Variants in NYNRIN observed in about 807,000 individuals in gnomAD.
NYNRIN encodes protein NYNRIN.
NYNRIN carries 86 observed loss-of-function variants against 146.6 expected under a neutral mutation model. That is an observed-to-expected ratio of 0.59 (90% confidence interval 0.49 to 0.70). The LOEUF (loss-of-function observed/expected upper bound fraction) is 0.70. Among genes scored for constraint, NYNRIN ranks in the 30% least tolerant of loss-of-function variants. The pLI, the probability that NYNRIN is intolerant of heterozygous loss-of-function variation, is 0.00. For synonymous variants in NYNRIN, 1,027 were observed against 1,001.3 expected (o/e 1.03, Z -0.48); for missense variants, 2,191 against 2,377.7 (o/e 0.92, Z 1.63).
intron 8 of NYNRIN, among the ~76,000 whole-genome samples, chr14:24,414,354 G>C (rs1251151221): frequency 1.3e-5 from 2 of 152,252 alleles, no homozygotes; most frequent in Non-Finnish European, 2.9e-5. Flanking sequence ...CTTGGTCAGT[G>C]AAGTTTTGAT....
rs2139351768 is a variant in NYNRIN at position 24,413,430 on chromosome 14, A to G, written c.2846+13A>G. 1 of 1,578,622 alleles carries G rather than the reference A, an allele frequency of 6.3e-7. No individual in the cohort carries two copies. Among genetic ancestry groups the G allele is most frequent in the Non-Finnish European group, 8.6e-7 (1 of 1,159,808 alleles). On this transcript the variant is annotated intron_variant, in intron 8 of 8. Coordinates refer to ENST00000382554, the MANE Select transcript of NYNRIN (RefSeq NM_025081.3). ...AGAAGCCAAACAGGTAATAGGTCAG[A>G]CCTCCCCAGCCTCCCAGGCCCTCCT...
Position 24,414,655 on chromosome 14 carries a change from C to T in NYNRIN, c.2906C>T (p.Ala969Val). 6.2e-7 allele frequency: 1 copy of T among 1,613,688 alleles called. No homozygotes were observed. Among genetic ancestry groups the T allele is most frequent in the Non-Finnish European group, 8.5e-7 (1 of 1,179,734 alleles). Residue 969 changes from alanine (A) to valine (V), a missense_variant, in exon 9 of 9, where the codon GCC becomes GTC. Physicochemically the swap from Ala to Val is moderately conservative, Grantham distance 64. Coordinates refer to ENST00000382554, the MANE Select transcript of NYNRIN (RefSeq NM_025081.3). ...KVWKTLPPSSASVTELSDDAD... is the reference protein window; with the variant it reads ...KVWKTLPPSSVSVTELSDDAD... ...TGGAAGACCCTTCCTCCCAGCTCAGCCAGTGTCACTGAGCTGAGTGATGAC... is the reference window on the plus strand; with the variant it reads ...TGGAAGACCCTTCCTCCCAGCTCAGTCAGTGTCACTGAGCTGAGTGATGAC...
intron 2 of NYNRIN, among the ~76,000 whole-genome samples, chr14:24,407,008 A>C (rs1566483931): frequency 6.6e-6 from 1 of 152,322 alleles, no homozygotes; most frequent in East Asian, 1.9e-4. Flanking sequence ...GTTCCCCTGG[A>C]CACTGGCCCA....
chr14:24,408,147 G>A lies in NYNRIN; in HGVS notation c.477G>A (p.Val159=). The part of the protein sequence containing the change: ...LTPRGIWEAE[V]TRAFGALVWI... ...CCCGGGGGATCTGGGAGGCTGAGGT[G>A]ACCCGGGCCTTTGGGGCCCTGGTCT... The change falls in exon 3 of 9, where the codon GTG becomes GTA. Residue 159 remains valine (V), a synonymous_variant. Coordinates refer to ENST00000382554, the MANE Select transcript of NYNRIN (RefSeq NM_025081.3). The A allele has an allele frequency of 6.2e-7, 1 of 1,605,836 alleles. No homozygotes were observed. Among genetic ancestry groups the A allele is most frequent in the Non-Finnish European group, 8.5e-7 (1 of 1,177,908 alleles).
At position 24,408,711 on chromosome 14, in the gene NYNRIN, C is replaced by T; in HGVS notation, c.917C>T (p.Ala306Val). 2.5e-6 allele frequency: 4 copies of T among 1,613,752 alleles called. No individual in the cohort carries two copies. The highest frequency in any genetic ancestry group is 3.4e-6 in the Non-Finnish European group (4 of 1,179,734). The change falls in exon 4 of 9, where the codon GCC becomes GTC. Residue 306 changes from alanine to valine, a missense_variant. Ala to Val is a moderately conservative substitution (Grantham distance 64). Coordinates refer to ENST00000382554, the MANE Select transcript of NYNRIN (RefSeq NM_025081.3). ...GCTCAAGAGGAAGGGACAGTGCAAG[C>T]CACCAGCAGCCAGGACTCCACGAAC... ...DSAQEEGTVQ[A>V]TSSQDSTNHT...
chr14:24,412,529 G>T (rs2139350980), intron 6 of NYNRIN: 1 of 162,718 alleles, frequency 6.1e-6, no homozygotes, highest in Middle Eastern at 2.9e-3. Context: ...CATTATAATG[G>T]AATATTTGTG....
Position 24,416,157 on chromosome 14 carries a change from C to T in NYNRIN, c.4408C>T (p.His1470Tyr), listed in dbSNP as rs752973891. Reference sequence around the variant, plus strand: ...TGTGCCAGCCCCTACAGTGAGTCCCCATGCCATGGGCAAGAGGCCCAATTT... The same window carrying T: ...TGTGCCAGCCCCTACAGTGAGTCCCTATGCCATGGGCAAGAGGCCCAATTT... ...KDVPAPTVSP[H>Y]AMGKRPNLLA... Residue 1470 changes from histidine to tyrosine, a missense_variant, in exon 9 of 9, where the codon CAT becomes TAT. Physicochemically the swap from His to Tyr is moderately conservative, Grantham distance 83. Coordinates refer to ENST00000382554, the MANE Select transcript of NYNRIN (RefSeq NM_025081.3). 1.9e-6 allele frequency: 3 copies of T among 1,613,880 alleles called. No individual in the cohort carries two copies. Among genetic ancestry groups the T allele is most frequent in the South Asian group, 1.1e-5 (1 of 91,094 alleles).
intron 2 of NYNRIN, among the ~76,000 whole-genome samples, chr14:24,401,438 CG>C (rs11312133): frequency 0.6 from 87,353 of 146,736 alleles, 25,690 homozygotes; most frequent in Middle Eastern, 0.64. Flanking sequence ...AGGTGAGGGG[CG>C]GGGGGGGTTA....
Position 24,409,153 on chromosome 14 carries a change from C to A in NYNRIN, c.1359C>A (p.Ser453=). ...ALQNCPRPEI[S]PKVTSLLVVP... is the part of the protein sequence containing the mutation. ...AGAATTGCCCAAGGCCAGAGATTTC[C>A]CCAAAAGTTACGAGTTTATTGGTGG... The change falls in exon 4 of 9, where the codon TCC becomes TCA. Residue 453 remains serine, a synonymous_variant. Transcript: ENST00000382554. 1 of 1,613,958 alleles carries A rather than the reference C, an allele frequency of 6.2e-7. No homozygotes were observed. Among genetic ancestry groups the A allele is most frequent in the South Asian group, 1.1e-5 (1 of 91,074 alleles).
rs1402363422 is a variant in NYNRIN at position 24,419,115 on chromosome 14, GCC to G, written c.*1674_*1675del. On this transcript the variant is annotated 3_prime_UTR_variant, in exon 9 of 9. Transcript: ENST00000382554. ...TTTTGGCAGGTGCTCTCTTTCCTCC[GCC>G]CCCCGCGCCATTCTTTCTCTTCCTC... 6.6e-6 allele frequency: 1 copy of G among 152,114 alleles called. No individual in the cohort carries two copies. Among genetic ancestry groups the G allele is most frequent in the Non-Finnish European group, 1.5e-5 (1 of 68,070 alleles). 9.4% of individuals were successfully genotyped at this position (152,114 alleles called of 1,614,324 possible). A position where few individuals can be genotyped will look rare whatever the true frequency, so the allele number is the denominator to read the frequency against.
Position 24,415,549 on chromosome 14 carries a change from A to T in NYNRIN, c.3800A>T (p.Lys1267Met), listed in dbSNP as rs1191670919. 1 of 1,613,852 alleles carries T rather than the reference A, an allele frequency of 6.2e-7. No homozygotes were observed. Among genetic ancestry groups the T allele is most frequent in the African/African-American group, 1.3e-5 (1 of 75,042 alleles). Residue 1267 changes from lysine (K) to methionine (M), a missense_variant, in exon 9 of 9, where the codon AAG (lysine) becomes ATG (methionine). Around this residue, in one of 3 missense-constraint regions of NYNRIN, gnomAD observed 1,291 missense variants for 1,417.0 expected, o/e 0.91. Transcript: ENST00000382554. ...TCCCTCTTGGTTCAGGACAAAGGCA[A>T]GAGGGCCCTGGAATTGGCCCTCCTC... ...RWSLLVQDKG[K>M]RALELALLQG...
At position 24,417,758 on chromosome 14, in the gene NYNRIN, T is replaced by G. The variant is rs765945180; in HGVS notation, c.*312T>G. ...GTGTCTTCTCCCCAAGTATCCTCTT[T>G]CCCCTTCACATGTAGGTGTGTGGTG... is the stretch of plus-strand genomic sequence containing the variant. On this transcript the variant is annotated 3_prime_UTR_variant, in exon 9 of 9. Transcript: ENST00000382554. 1.7e-4 allele frequency: 52 copies of G among 297,504 alleles called. No homozygotes were observed. Among genetic ancestry groups the G allele is most frequent in the Non-Finnish European group, 2.9e-4 (47 of 160,750 alleles). 18.4% of individuals were successfully genotyped at this position (297,504 alleles called of 1,614,324 possible).
At chr14:24,405,025 TGTGAGA>T (rs1381603932) in intron 2 of NYNRIN, among the ~76,000 whole-genome samples, 3 of 18,424 alleles carry the variant, frequency 1.6e-4, no homozygotes, top group African/African-American at 3.2e-4. Flanking sequence ...TGTGTGTGTG[TGTGAGA>T]GAATGTGTGT....
chr14:24,411,404 C>G lies in NYNRIN; in HGVS notation c.2596C>G (p.Pro866Ala). The change falls in exon 6 of 9, where the codon CCC (proline) becomes GCC (alanine). Residue 866 changes from proline (P) to alanine (A), a missense_variant. Pro to Ala is a conservative substitution (Grantham distance 27). Transcript: ENST00000382554. This position sits in a 1 kb window ranked among gnomAD's most constrained non-coding sequence, Gnocchi z 4.3. ...LHSLKMLSIT[P>A]SQLENGKKIT... The stretch of plus-strand genomic sequence containing the variant: ...CTCGCTCAAGATGCTTTCAATCACA[C>G]CCTCCCAGCTTGAGAATGGCAAGAA... 6.2e-7 allele frequency: 1 copy of G among 1,614,024 alleles called. No homozygotes were observed. The highest frequency in any genetic ancestry group is 8.5e-7 in the Non-Finnish European group (1 of 1,179,898).
Position 24,418,615 on chromosome 14 carries a change from C to T in NYNRIN, c.*1169C>T, listed in dbSNP as rs910432991. 5.4e-5 allele frequency: 9 copies of T among 165,628 alleles called. No individual in the cohort carries two copies. Among genetic ancestry groups the T allele is most frequent in the East Asian group, 3.8e-4 (2 of 5,294 alleles). The allele number at this position is 165,628 out of a possible 1,614,324, so 10.3% of individuals were successfully genotyped here. ...GTACACTCACCCTCTGAATTGCTGC[C>T]GCTGCCAAGGAAGTGGGCTCCAGGT... is the stretch of plus-strand genomic sequence containing the variant. On this transcript the variant is annotated 3_prime_UTR_variant, in exon 9 of 9. Coordinates refer to ENST00000382554, the MANE Select transcript of NYNRIN (RefSeq NM_025081.3).
intron 2 of NYNRIN, among the ~76,000 whole-genome samples, chr14:24,401,809 G>A (rs1489245809): frequency 6.6e-6 from 1 of 152,208 alleles, no homozygotes; most frequent in Non-Finnish European, 1.5e-5. Context: ...CGATCTCCCT[G>A]TTTGTAAAGT....
rs774816011 is a variant in NYNRIN, at chr14:24,415,254, G to A, written c.3505G>A (p.Val1169Met). The A allele has an allele frequency of 1.4e-5, 22 of 1,613,716 alleles. No homozygotes were observed. In the East Asian group the frequency reaches 2.5e-4, roughly 18 times the overall value. Residue 1169 changes from valine (V) to methionine (M), a missense_variant, in exon 9 of 9, where the codon GTG (valine) becomes ATG (methionine). By Grantham distance (21) the Val-to-Met change is conservative (BLOSUM62 1). This residue lies in a region of NYNRIN where 1,291 missense variants were observed against 1,417.0 expected (regional missense o/e 0.91). Transcript: ENST00000382554. Reference sequence around the variant, plus strand: ...CCGCCTGGAGGTGACCGTGAGCCACGTGGCCCTGACGGCCATCCTCCATCA... The same window carrying A: ...CCGCCTGGAGGTGACCGTGAGCCACATGGCCCTGACGGCCATCCTCCATCA... Reference protein sequence around the residue: ...PFRLEVTVSHVALTAILHQEH... With the variant: ...PFRLEVTVSHMALTAILHQEH...
At position 24,417,610 on chromosome 14, in the gene NYNRIN, G is replaced by A; in HGVS notation, c.*164G>A. 2 of 1,006,126 alleles carry A rather than the reference G, an allele frequency of 2.0e-6. No individual in the cohort carries two copies. The highest frequency in any genetic ancestry group is 2.7e-6 in the Non-Finnish European group (2 of 747,148). The allele number at this position is 1,006,126 out of a possible 1,614,324, so 62.3% of individuals were successfully genotyped here. A position where few individuals can be genotyped will look rare whatever the true frequency, so the allele number is the denominator to read the frequency against. On this transcript the variant is annotated 3_prime_UTR_variant, in exon 9 of 9. Transcript: ENST00000382554. Reference sequence around the variant, plus strand: ...CTGAATTGCCTTGAACTAGGGACCAGCATCCCCATGGAAACATCCCCAGTT... The same window carrying A: ...CTGAATTGCCTTGAACTAGGGACCAACATCCCCATGGAAACATCCCCAGTT...
chr14:24,417,679 C>A lies in NYNRIN; in HGVS notation c.*233C>A. 1.9e-6 allele frequency: 1 copy of A among 516,588 alleles called. No individual in the cohort carries two copies. The highest frequency in any genetic ancestry group is 3.2e-6 in the Non-Finnish European group (1 of 308,968). The allele number at this position is 516,588 out of a possible 1,614,324, so 32.0% of individuals were successfully genotyped here. ...TGCCAAAGGCTGTCAGATATGGGTCCCTGGCAGTTTTACACTGGGAAATGG... is the reference window on the plus strand; with the variant it reads ...TGCCAAAGGCTGTCAGATATGGGTCACTGGCAGTTTTACACTGGGAAATGG... On this transcript the variant is annotated 3_prime_UTR_variant, in exon 9 of 9. Coordinates refer to ENST00000382554, the MANE Select transcript of NYNRIN (RefSeq NM_025081.3).
Sources: gnomAD v4.1 joint callset for allele counts (sites outside exome capture counted in the v4.1 genomes callset) on GRCh38, gnomAD v4.1.1 for gene constraint, gnomAD v4.1.1 regional missense constraint, Gnocchi (gnomAD v3.1) non-coding constraint, MANE v1.5 for transcripts, NCBI Gene and HGNC (gene_info 2026-07-23, HGNC 2026-07-21) for gene names.